The following COBL variants were observed in gnomAD, a reference collection of about 807,000 sequenced individuals.
The protein encoded by COBL is protein cordon-bleu.
In COBL, 51 loss-of-function variants were observed where a neutral mutation model predicts 98.8. That is an observed-to-expected ratio of 0.52 (90% CI 0.41 to 0.65). The LOEUF (loss-of-function observed/expected upper bound fraction) is 0.65, where lower values mean the gene tolerates loss of function less well. Ranked by LOEUF, COBL falls within the 30% of genes least tolerant of loss-of-function variation. The probability of loss-of-function intolerance (pLI) is 0.00; values close to 1 mark genes in which losing one functional copy is unlikely to be tolerated. For synonymous variants in COBL, 634 were observed against 651.7 expected (o/e 0.97, Z 0.41); for missense variants, 1,617 against 1,617.5 (o/e 1.00, Z 0.01).
intron 7 of COBL, among the ~76,000 whole-genome samples, chr7:51,083,701 G>C (rs1793905641): frequency 6.6e-6 from 1 of 152,176 alleles, no homozygotes; most frequent in Non-Finnish European, 1.5e-5. Context: ...CTTATCTCCT[G>C]AGTCCATTTA....
chr7:51,144,803 T>A (rs909197586), intron 5 of COBL, among the ~76,000 whole-genome samples: 1 of 152,200 alleles, frequency 6.6e-6, no homozygotes, highest in Non-Finnish European at 1.5e-5. Flanking sequence ...AAACAATATA[T>A]GATCTTTGTG....
intron 7 of COBL, among the ~76,000 whole-genome samples, chr7:51,066,232 C>T (rs991988438): frequency 2.6e-5 from 4 of 152,188 alleles, no homozygotes; most frequent in Non-Finnish European, 5.9e-5. Context: ...GCCCCTCCTT[C>T]CTGGTATTTT....
At chr7:51,123,200 T>C (rs1282732457) in intron 6 of COBL, among the ~76,000 whole-genome samples, 1 of 152,200 alleles carries the variant, frequency 6.6e-6, no homozygotes. Flanking sequence ...CAGATATCCG[T>C]ATCTGAGCAA....
At chr7:51,215,194 C>A (rs888214113) in intron 2 of COBL, among the ~76,000 whole-genome samples, 1 of 152,178 alleles carries the variant, frequency 6.6e-6, no homozygotes, top group African/African-American at 2.4e-5. Context: ...ACCAACAGCA[C>A]CTTCTGTGAA....
intron 7 of COBL, among the ~76,000 whole-genome samples, chr7:51,060,080 C>T (rs972373917): frequency 7.2e-5 from 11 of 152,176 alleles, no homozygotes; most frequent in African/African-American, 2.2e-4. Flanking sequence ...TCAGTGCACA[C>T]GCTTCACCCT....
At position 51,190,908 on chromosome 7, in the gene COBL, C is replaced by G. The variant is rs1259278512; in HGVS notation, c.627G>C (p.Leu209=). 2 of 1,614,162 alleles carry G rather than the reference C, an allele frequency of 1.2e-6. No homozygotes were observed. The highest frequency in any genetic ancestry group is 1.7e-6 in the Non-Finnish European group (2 of 1,180,030). The change falls in exon 4 of 13, where the codon CTG becomes CTC. Residue 209 remains leucine, a synonymous_variant. Transcript: ENST00000265136. The part of the protein sequence containing the change: ...RDNIAGEELE[L]SKSLNELGIK... ...TCCCGAGCTCGTTCAGGGACTTGGA[C>G]AGCTCCAGCTCCTCTCCGGCAATGT...
In COBL at chr7:51,219,776, A is replaced by C. The variant is rs576857695; in HGVS notation, c.210T>G (p.Pro70=). 36 of 1,614,078 alleles carry C rather than the reference A, an allele frequency of 2.2e-5. No individual in the cohort carries two copies. In the South Asian group the frequency reaches 2.6e-4, roughly 12 times the overall value. ...ASTMDVTVVL[P]SGLEKRSVLN... ...GCACGCTCCTCTTCTCCAGCCCACT[A>C]GGCAGGACCACGGTGACGTCCATGG... The change falls in exon 2 of 13, where the codon CCT becomes CCG. Residue 70 remains proline (P), a synonymous_variant. Transcript: ENST00000265136.
Position 51,278,646 on chromosome 7 carries a change from C to T in COBL, c.41+37947G>A, listed in dbSNP as rs148284527. ...CTACCCACCTCAGCCTCCCAAAGTGCTGGGATTACAGGCGTGAGCCACGGC... is the reference window on the plus strand; with the variant it reads ...CTACCCACCTCAGCCTCCCAAAGTGTTGGGATTACAGGCGTGAGCCACGGC... On this transcript the variant is annotated intron_variant, in intron 1 of 12. Coordinates refer to ENST00000265136, the MANE Select transcript of COBL (RefSeq NM_015198.5). Among the ~76,000 whole-genome samples, 351 of 152,298 alleles carry T rather than the reference C, an allele frequency of 2.3e-3. 1 individual carries two copies. Among genetic ancestry groups the T allele is most frequent in the African/African-American group, 8.1e-3 (337 of 41,570 alleles).
intron 5 of COBL, among the ~76,000 whole-genome samples, chr7:51,179,634 A>G (rs972930658): frequency 1.3e-5 from 2 of 152,166 alleles, no homozygotes; most frequent in African/African-American, 2.4e-5. Context: ...CTTTATTCTG[A>G]TGCTCTCTTT....
At chr7:51,045,288 C>G (rs1425717292) in intron 7 of COBL, among the ~76,000 whole-genome samples, 1 of 152,236 alleles carries the variant, frequency 6.6e-6, no homozygotes, top group Non-Finnish European at 1.5e-5. Flanking sequence ...TAAGGTAATG[C>G]TGCTGCCCAC....
intron 8 of COBL, among the ~76,000 whole-genome samples, chr7:51,038,943 C>A (rs758449577): frequency 6.6e-6 from 1 of 152,138 alleles, no homozygotes; most frequent in Non-Finnish European, 1.5e-5. Context: ...AAGACAAACA[C>A]GGGTTCTGGG....
chr7:51,083,134 G>A (rs1372995135), intron 7 of COBL: 16 of 1,529,244 alleles, frequency 1.0e-5, no homozygotes, highest in East Asian at 4.9e-5. Context: ...CGTCTGTGTC[G>A]GGAGGAGGGT....
At chr7:51,206,636 T>C (rs1024790506) in intron 2 of COBL, among the ~76,000 whole-genome samples, 3 of 152,110 alleles carry the variant, frequency 2.0e-5, no homozygotes, top group African/African-American at 7.2e-5. Flanking sequence ...TGACTATCAA[T>C]GGATGAATGG....
intron 11 of COBL, among the ~76,000 whole-genome samples, chr7:51,026,207 A>T (rs1384948691): frequency 1.3e-5 from 2 of 152,228 alleles, no homozygotes; most frequent in Non-Finnish European, 2.9e-5. Flanking sequence ...CAATGGCTTC[A>T]GTTCTGGTTG....
intron 2 of COBL, among the ~76,000 whole-genome samples, chr7:51,201,431 T>G (rs528065453): frequency 6.6e-6 from 1 of 151,952 alleles, no homozygotes; most frequent in Non-Finnish European, 1.5e-5. Context: ...ACCACCAACA[T>G]GAAAGCACCT....
chr7:51,107,094 T>TTTTTTTTTTTTTTTTTTTTTTTTTA (rs1796366432), intron 6 of COBL, among the ~76,000 whole-genome samples: 1 of 138,944 alleles, frequency 7.2e-6, no homozygotes. Flanking sequence ...GTTTGTTTGT[T>TTTTTTTTTTTTTTTTTTTTTTTTTA]TTTTTTTTTT....
At chr7:51,151,222 T>G (rs1223347842) in intron 5 of COBL, among the ~76,000 whole-genome samples, 1 of 152,232 alleles carries the variant, frequency 6.6e-6, no homozygotes, top group Non-Finnish European at 1.5e-5. Context: ...CACTGATTTA[T>G]GTTCAAGTCC....
At chr7:51,211,814 C>T (rs1268520000) in intron 2 of COBL, among the ~76,000 whole-genome samples, 1 of 152,184 alleles carries the variant, frequency 6.6e-6, no homozygotes, top group African/African-American at 2.4e-5. Context: ...GGGATGATCC[C>T]ATAGGATCGC....
chr7:51,316,065 G>A (rs1803541127), intron 1 of COBL, among the ~76,000 whole-genome samples: 1 of 152,232 alleles, frequency 6.6e-6, no homozygotes, highest in African/African-American at 2.4e-5. Context: ...GAGAACGCGG[G>A]GCCCGGGCGG....
Sources: allele counts gnomAD v4.1 joint callset (sites outside exome capture counted in the v4.1 genomes callset), GRCh38; gene constraint gnomAD v4.1.1; transcripts MANE v1.5; gene names NCBI Gene and HGNC (gene_info 2026-07-23, HGNC 2026-07-21).